Variants in FAM227B observed in about 807,000 individuals in gnomAD.
FAM227B encodes the protein protein FAM227B.
Under a neutral mutation model 73.8 loss-of-function variants are expected in FAM227B, and 88 were observed. That is an observed-to-expected ratio of 1.19 (90% CI 1.00 to 1.42). The LOEUF (loss-of-function observed/expected upper bound fraction) is 1.42, where lower values mean the gene tolerates loss of function less well. Ranked by LOEUF, FAM227B falls within the 40% of genes most tolerant of loss-of-function variation. FAM227B has a pLI of 0.00. For missense variants in FAM227B, 632 were observed against 590.9 expected, an observed-to-expected ratio of 1.07 and a Z score of -0.72; for synonymous variants, 210 against 190.5, an observed-to-expected ratio of 1.10 and a Z score of -0.84.
intron 9 of FAM227B, among the ~76,000 whole-genome samples, chr15:49,547,400 A>T (rs4541018): frequency 0.95 from 143,118 of 150,120 alleles, 68,620 homozygotes; most frequent in East Asian, 1. Flanking sequence ...GCTAACATCA[A>T]AATGACAGGA....
At chr15:49,499,773 A>G (rs963743567) in intron 11 of FAM227B, among the ~76,000 whole-genome samples, 2 of 152,218 alleles carry the variant, frequency 1.3e-5, no homozygotes, top group African/African-American at 2.4e-5. Context: ...GGAGAGGATA[A>G]TCTTTTCAAC....
At chr15:49,367,417 T>A in intron 13 of FAM227B, 31 bp downstream of exon 13, 2 of 1,497,588 alleles carry the variant, frequency 1.3e-6, no homozygotes, top group Non-Finnish European at 1.8e-6. Flanking sequence ...TTGAAAGAAA[T>A]TATATTAAAG....
intron 11 of FAM227B, among the ~76,000 whole-genome samples, chr15:49,493,872 G>GTATATA (rs35761163): frequency 1.8e-3 from 267 of 148,114 alleles, no homozygotes; most frequent in Non-Finnish European, 3.1e-3. Flanking sequence ...GTATGTATGT[G>GTATATA]TATATATATA....
intron 11 of FAM227B, among the ~76,000 whole-genome samples, chr15:49,446,601 T>A (rs965483632): frequency 4.0e-5 from 6 of 151,370 alleles, no homozygotes; most frequent in Admixed American, 4.0e-4. Context: ...AAGAGCTTTT[T>A]TAAAGAAGAG....
intron 9 of FAM227B, among the ~76,000 whole-genome samples, chr15:49,560,528 C>T (rs1467651967): frequency 2.0e-5 from 3 of 152,208 alleles, no homozygotes; most frequent in East Asian, 3.9e-4. Flanking sequence ...ATCAAGAGAA[C>T]ACCTGCCAGA....
intron 7 of FAM227B, 26 bp from the exon 8 acceptor site, chr15:49,575,135 G>T: frequency 1.7e-6 from 2 of 1,191,598 alleles, no homozygotes; most frequent in South Asian, 1.3e-5. Context: ...AGAGAGAGAT[G>T]CATGGAGATT....
At chr15:49,353,392 A>G (rs1039657643) in intron 13 of FAM227B, 1 of 152,106 alleles carries the variant, frequency 6.6e-6, no homozygotes, top group African/African-American at 2.4e-5. Context: ...TTTTCAGACA[A>G]TTAGAGGAAA....
At chr15:49,594,816 G>T (rs1007918232) in intron 3 of FAM227B, among the ~76,000 whole-genome samples, 91 of 152,082 alleles carry the variant, frequency 6.0e-4, no homozygotes, top group Non-Finnish European at 1.2e-4. Context: ...ATGCTGTTTT[G>T]GTGACTACAG....
At chr15:49,441,178 A>G (rs573152487) in intron 11 of FAM227B, among the ~76,000 whole-genome samples, 1 of 151,848 alleles carries the variant, frequency 6.6e-6, no homozygotes, top group South Asian at 2.1e-4. Context: ...CAGAAGTGGA[A>G]GAGACTGCAG....
intron 11 of FAM227B, among the ~76,000 whole-genome samples, chr15:49,467,975 A>G (rs963930108): frequency 2.6e-5 from 4 of 152,202 alleles, no homozygotes; most frequent in African/African-American, 7.2e-5. Flanking sequence ...ATATTGCACA[A>G]CCGAATAGTT....
intron 11 of FAM227B, chr15:49,488,370 T>C (rs1462376870): frequency 2.0e-5 from 3 of 151,954 alleles, no homozygotes; most frequent in African/African-American, 7.2e-5. Context: ...CTCCCACCTA[T>C]CCTTTAATTT....
At chr15:49,507,759 T>C (rs2058688959) in intron 11 of FAM227B, among the ~76,000 whole-genome samples, 1 of 152,082 alleles carries the variant, frequency 6.6e-6, no homozygotes, top group Middle Eastern at 3.2e-3. Flanking sequence ...GGAATACAAC[T>C]ATGCTGTTTA....
chr15:49,516,901 C>G (rs1313891422), intron 10 of FAM227B, among the ~76,000 whole-genome samples: 1 of 152,060 alleles, frequency 6.6e-6, no homozygotes. Context: ...AAAGGCAAAG[C>G]AGTCAGTGTC....
intron 13 of FAM227B, chr15:49,344,288 CA>C (rs1375257248): frequency 6.6e-6 from 1 of 152,110 alleles, no homozygotes; most frequent in Non-Finnish European, 1.5e-5. Context: ...CATACAAATA[CA>C]TATTTTACAA....
At chr15:49,430,239 C>A (rs1343894532) in intron 11 of FAM227B, among the ~76,000 whole-genome samples, 2 of 151,886 alleles carry the variant, frequency 1.3e-5, no homozygotes, top group Non-Finnish European at 1.5e-5. Context: ...AGGTTCTGTA[C>A]CACAGCCTCA....
chr15:49,416,692 C>G (rs1401140255), intron 11 of FAM227B, among the ~76,000 whole-genome samples: 1 of 151,878 alleles, frequency 6.6e-6, no homozygotes, highest in African/African-American at 2.4e-5. Context: ...ACAAAAATCA[C>G]TAGCATTCTT....
intron 11 of FAM227B, among the ~76,000 whole-genome samples, chr15:49,374,372 T>C (rs2046023378): frequency 1.3e-5 from 2 of 152,142 alleles, no homozygotes; most frequent in Non-Finnish European, 2.9e-5. Flanking sequence ...ATAATAATTT[T>C]AGAAGCTCAA....
chr15:49,605,113 C>T (rs772668611), intron 3 of FAM227B, among the ~76,000 whole-genome samples: 9 of 152,116 alleles, frequency 5.9e-5, no homozygotes, highest in African/African-American at 9.7e-5. Flanking sequence ...GTTTTGATGT[C>T]TGCACATCTG....
intron 11 of FAM227B, among the ~76,000 whole-genome samples, chr15:49,392,388 T>C (rs966802974): frequency 6.6e-6 from 1 of 152,168 alleles, no homozygotes; most frequent in African/African-American, 2.4e-5. Context: ...GGGAAGGACC[T>C]GCAAAAGATG....
Sources: gnomAD v4.1 joint callset for allele counts (sites outside exome capture counted in the v4.1 genomes callset) on GRCh38, gnomAD v4.1.1 for gene constraint, MANE v1.5 for transcripts, NCBI Gene and HGNC (gene_info 2026-07-23, HGNC 2026-07-21) for gene names.